HEXIM2: variants seen among roughly 807,000 people sequenced by gnomAD.
The protein encoded by HEXIM2 is protein HEXIM2.
For synonymous variants in HEXIM2, 159 were observed against 162.7 expected (o/e 0.98, Z 0.17); for missense variants, 413 against 390.8 (o/e 1.06, Z -0.48).
At chr17:45,161,247 C>T, upstream of HEXIM2, 2 of 350,828 alleles carry the variant, frequency 5.7e-6, no homozygotes, top group South Asian at 4.2e-5. Context: ...GGGAAACACG[C>T]GGTAATTACC....
At chr17:45,166,298 G>A (rs1054995063) in intron 3 of HEXIM2, among the ~76,000 whole-genome samples, 10 of 151,434 alleles carry the variant, frequency 6.6e-5, no homozygotes, top group Admixed American at 2.0e-4. Flanking sequence ...CTAATTTTTT[G>A]TAATTTTTGG....
Position 45,169,716 on chromosome 17 carries a change from C to A in HEXIM2, c.768C>A (p.Val256=), listed in dbSNP as rs1421221871. The change falls in exon 4 of 4, where the codon GTC becomes GTA. Residue 256 remains valine (V), a synonymous_variant. Transcript: ENST00000589230. Reference sequence around the variant, plus strand: ...AGGTGGAGGAGCTGGCTGCCGAGGTCCAGAGGCTCCGGACCGAAAACCAGC... The same window carrying A: ...AGGTGGAGGAGCTGGCTGCCGAGGTACAGAGGCTCCGGACCGAAAACCAGC... The part of the protein sequence containing the change: ...CRQVEELAAE[V]QRLRTENQRL... 6.6e-7 allele frequency: 1 copy of A among 1,522,080 alleles called. No individual in the cohort carries two copies. The highest frequency in any genetic ancestry group is 2.5e-5 in the East Asian group (1 of 40,502). The allele number at this position is 1,522,080 out of a possible 1,614,324, so 94.3% of individuals were successfully genotyped here.
At chr17:45,166,089 G>A (rs142171585) in intron 3 of HEXIM2, among the ~76,000 whole-genome samples, 200 of 147,868 alleles carry the variant, frequency 1.4e-3, no homozygotes, top group African/African-American at 4.5e-3. Flanking sequence ...GAGCCACCAC[G>A]CCCGGCCCGC....
At chr17:45,161,094 C>G, upstream of HEXIM2, 1 of 547,560 alleles carries the variant, frequency 1.8e-6, no homozygotes, top group Non-Finnish European at 3.2e-6. Flanking sequence ...AGTGGGAGTC[C>G]CTCTGTGCGG....
chr17:45,161,350 T>G (rs2042681763), upstream of HEXIM2: 1 of 196,300 alleles, frequency 5.1e-6, no homozygotes, highest in Non-Finnish European at 1.1e-5. Flanking sequence ...ACCTTCACCC[T>G]CCCTGGCCCC....
chr17:45,165,242 G>C (rs2042806369), intron 3 of HEXIM2, among the ~76,000 whole-genome samples: 1 of 152,124 alleles, frequency 6.6e-6, no homozygotes, highest in South Asian at 2.1e-4. Flanking sequence ...CCCTGCAGGT[G>C]AAGTAACACA....
At chr17:45,167,686 G>T (rs1303268654) in intron 3 of HEXIM2, among the ~76,000 whole-genome samples, 3 of 152,124 alleles carry the variant, frequency 2.0e-5, no homozygotes, top group African/African-American at 7.2e-5. Flanking sequence ...AAGTGCAGTG[G>T]CGCGATCTCA....
chr17:45,162,424 G>C, intron 1 of HEXIM2, 64 bp from the exon 2 acceptor site: 3 of 1,089,262 alleles, frequency 2.8e-6, no homozygotes, highest in Non-Finnish European at 3.4e-6. Context: ...CCCCTTTGGT[G>C]GTTGGGGAAA....
chr17:45,163,553 C>T (rs950016652), intron 3 of HEXIM2, among the ~76,000 whole-genome samples: 6 of 152,124 alleles, frequency 3.9e-5, no homozygotes, highest in African/African-American at 1.4e-4. Flanking sequence ...ACATTTTGTC[C>T]AGGCTAAGAA....
Position 45,169,796 on chromosome 17 carries a change from A to G in HEXIM2, c.848A>G (p.Glu283Gly). The change falls in exon 4 of 4, where the codon GAG (glutamate) becomes GGG (glycine). Residue 283 changes from glutamate (E) to glycine (G), a missense_variant. Coordinates refer to ENST00000589230, the MANE Select transcript of HEXIM2 (RefSeq NM_001303441.2). The stretch of plus-strand genomic sequence containing the variant: ...CGAGAGGGCTGCCGCTGTGATGAGG[A>G]GCCGGGTACCTAGGGGTGCCTCCCA... ...WNREGCRCDE[E>G]PGT The G allele has an allele frequency of 2.1e-6, 3 of 1,440,826 alleles. No homozygotes were observed. Among genetic ancestry groups the G allele is most frequent in the South Asian group, 1.5e-5 (1 of 68,588 alleles). 89.3% of individuals were successfully genotyped at this position (1,440,826 alleles called of 1,614,324 possible). A position where few individuals can be genotyped will look rare whatever the true frequency, so the allele number is the denominator to read the frequency against.
chr17:45,168,634 C>T lies in HEXIM2; in HGVS notation c.67-381C>T, dbSNP rs139792344. 2.4e-4 allele frequency among the ~76,000 whole-genome samples: 37 copies of T among 152,140 alleles called. 1 individual carries two copies. Among genetic ancestry groups the T allele is most frequent in the Admixed American group, 2.0e-3 (31 of 15,270 alleles). On this transcript the variant is annotated intron_variant, in intron 3 of 3. Transcript: ENST00000589230. ...AGGTTTTCTGGGAAGAGGGAAGAGC[C>T]GGTGCCATTTGGGCTTCTGATCAAG...
At chr17:45,164,609 C>T (rs1891235011) in intron 3 of HEXIM2, among the ~76,000 whole-genome samples, 1 of 152,192 alleles carries the variant, frequency 6.6e-6, no homozygotes, top group South Asian at 2.1e-4. Flanking sequence ...TGCACTCCAG[C>T]CTGGGTGACA....
chr17:45,160,908 A>G (rs1405466908), upstream of HEXIM2: 1 of 1,289,506 alleles, frequency 7.8e-7, no homozygotes, highest in Admixed American at 2.3e-5. Flanking sequence ...GTTTTTCGCA[A>G]CCCGGGCGGC....
intron 3 of HEXIM2, among the ~76,000 whole-genome samples, chr17:45,167,258 G>A (rs917737844): frequency 1.8e-4 from 28 of 151,950 alleles, no homozygotes; most frequent in African/African-American, 6.0e-4. Flanking sequence ...CCTGGAAGGC[G>A]GAGGTTGCAG....
intron 3 of HEXIM2, 72 bp downstream of exon 3, chr17:45,162,931 TC>T: frequency 9.8e-7 from 1 of 1,017,060 alleles, no homozygotes; most frequent in Non-Finnish European, 1.6e-6. Flanking sequence ...AAACTTCTTG[TC>T]CCAGATGTGT....
chr17:45,161,718 A>G (rs2042698752), upstream of HEXIM2: 1 of 484,646 alleles, frequency 2.1e-6, no homozygotes, highest in Non-Finnish European at 2.7e-6. Flanking sequence ...AGAAGGCTTG[A>G]CCAATCAAAG....
At chr17:45,166,362 A>T (rs2144068725) in intron 3 of HEXIM2, among the ~76,000 whole-genome samples, 1 of 149,340 alleles carries the variant, frequency 6.7e-6, no homozygotes, top group South Asian at 2.1e-4. Flanking sequence ...CCTGGGCTTG[A>T]GCAATCCACC....
At chr17:45,163,178 C>T (rs2042749304) in intron 3 of HEXIM2, among the ~76,000 whole-genome samples, 1 of 152,070 alleles carries the variant, frequency 6.6e-6, no homozygotes, top group Admixed American at 6.6e-5. Flanking sequence ...GCAAAATTAG[C>T]CTGGCATAGT....
At chr17:45,162,715 T>C (rs970472615) in intron 2 of HEXIM2, 35 bp from the exon 3 acceptor site, 3 of 1,607,208 alleles carry the variant, frequency 1.9e-6, no homozygotes, top group African/African-American at 2.7e-5. Context: ...CTGACGTTCC[T>C]TCAGGATTTA....
Sources: allele counts gnomAD v4.1 joint callset (sites outside exome capture counted in the v4.1 genomes callset), GRCh38; gene constraint gnomAD v4.1.1; transcripts MANE v1.5; gene names NCBI Gene and HGNC (gene_info 2026-07-23, HGNC 2026-07-21).